The following CAMK1D variants were observed in gnomAD, a reference collection of about 807,000 sequenced individuals.
CAMK1D encodes calcium/calmodulin-dependent protein kinase type 1D.
A neutral mutation model predicts 47.7 loss-of-function variants in CAMK1D; 9 were observed. The observed-to-expected ratio is 0.19, with a 90% CI of 0.11 to 0.33. The LOEUF (loss-of-function observed/expected upper bound fraction) is 0.33, where lower values mean the gene tolerates loss of function less well. Ranked by LOEUF, CAMK1D falls within the 10% of genes least tolerant of loss-of-function variation. CAMK1D has a pLI of 1.00. For synonymous variants in CAMK1D, 184 were observed against 184.9 expected (o/e 0.99, Z 0.04); for missense variants, 291 against 488.7 (o/e 0.60, Z 3.81).
intron 2 of CAMK1D, among the ~76,000 whole-genome samples, chr10:12,635,137 G>C (rs1185426284): frequency 6.6e-6 from 1 of 152,106 alleles, no homozygotes; most frequent in Non-Finnish European, 1.5e-5. Context: ...GAGAGAGGTT[G>C]ATGTGGGGTG....
At chr10:12,610,610 G>A (rs1838590997) in intron 2 of CAMK1D, among the ~76,000 whole-genome samples, 1 of 152,222 alleles carries the variant, frequency 6.6e-6, no homozygotes, top group African/African-American at 2.4e-5. Context: ...CAAGGCAGAA[G>A]ATGTCCTCAC....
At chr10:12,385,666 T>C (rs1268176337) in intron 1 of CAMK1D, among the ~76,000 whole-genome samples, 1 of 151,710 alleles carries the variant, frequency 6.6e-6, no homozygotes, top group Non-Finnish European at 1.5e-5. Context: ...GGAGAAAAGA[T>C]GAAAATGTTC....
rs562547501 is a variant in CAMK1D, at chr10:12,746,560, G to A, written c.300-14388G>A. Among the ~76,000 whole-genome samples, 25 of 152,232 alleles carry A rather than the reference G, an allele frequency of 1.6e-4. No homozygotes were observed. In the South Asian group the frequency reaches 5.0e-3, roughly 30 times the overall value. On this transcript the variant is annotated intron_variant, in intron 3 of 10. Transcript: ENST00000619168. ...GTCTCTGAGCAAGCAGACAGCTCCT[G>A]GAACACCTTCTCTTTCTTGCTTCCC...
chr10:12,587,220 C>T (rs777094256), intron 2 of CAMK1D, among the ~76,000 whole-genome samples: 4 of 152,134 alleles, frequency 2.6e-5, no homozygotes, highest in East Asian at 1.9e-4. Flanking sequence ...GGTAAATAAC[C>T]GAAAATTAAT....
intron 3 of CAMK1D, 161 bp downstream of exon 3, chr10:12,666,971 G>T: frequency 1.6e-6 from 1 of 625,172 alleles, no homozygotes; most frequent in Non-Finnish European, 2.8e-6. Flanking sequence ...ACTAAAGACG[G>T]TGGGCTGCAC....
At chr10:12,535,705 A>AT (rs1181252945) in intron 1 of CAMK1D, among the ~76,000 whole-genome samples, 1 of 152,178 alleles carries the variant, frequency 6.6e-6, no homozygotes, top group African/African-American at 2.4e-5. Flanking sequence ...TTGGTGCTTG[A>AT]TTTTGGCTGG....
At chr10:12,763,428 T>G (rs549305849) in intron 4 of CAMK1D, among the ~76,000 whole-genome samples, 35 of 152,298 alleles carry the variant, frequency 2.3e-4, no homozygotes, top group African/African-American at 8.2e-4. Flanking sequence ...CTTGTTGCCC[T>G]GAGAAGCTAT....
chr10:12,706,998 CGGTT>C (rs1554814481), intron 3 of CAMK1D, among the ~76,000 whole-genome samples: 21 of 152,084 alleles, frequency 1.4e-4, no homozygotes, highest in Non-Finnish European at 3.1e-4. Context: ...ACAAACTGTG[CGGTT>C]TGGGAAGACA....
intron 3 of CAMK1D, among the ~76,000 whole-genome samples, chr10:12,674,599 C>CTTTTTTTTTTTTTTTTTTTTTT (rs11391139): frequency 3.2e-5 from 2 of 63,472 alleles, no homozygotes; most frequent in Non-Finnish European, 2.8e-5. Context: ...TGGAAAAATG[C>CTTTTTTTTTTTTTTTTTTTTTT]TTTTTTTTTT....
At chr10:12,782,674 G>C (rs576007935) in intron 5 of CAMK1D, among the ~76,000 whole-genome samples, 143 of 152,340 alleles carry the variant, frequency 9.4e-4, no homozygotes, top group Non-Finnish European at 1.5e-3. Flanking sequence ...CCTGGTGGAA[G>C]TTCCTCAAGG....
chr10:12,516,270 G>A (rs1835208521), intron 1 of CAMK1D, among the ~76,000 whole-genome samples: 2 of 152,102 alleles, frequency 1.3e-5, no homozygotes, highest in East Asian at 1.9e-4. Flanking sequence ...CACCACGCCT[G>A]GCTAATTTTT....
intron 2 of CAMK1D, among the ~76,000 whole-genome samples, chr10:12,626,786 T>G (rs1282705670): frequency 6.6e-6 from 1 of 152,028 alleles, no homozygotes; most frequent in African/African-American, 2.4e-5. Context: ...ATCATTAAAT[T>G]TCTTAAAAAT....
At chr10:12,546,926 G>C (rs1368373762) in intron 1 of CAMK1D, among the ~76,000 whole-genome samples, 8 of 151,858 alleles carry the variant, frequency 5.3e-5, no homozygotes, top group Admixed American at 4.6e-4. Context: ...ACCTGCACGT[G>C]GTGCACATGT....
chr10:12,560,019 C>T (rs760352361), intron 2 of CAMK1D, among the ~76,000 whole-genome samples: 1 of 152,142 alleles, frequency 6.6e-6, no homozygotes, highest in Non-Finnish European at 1.5e-5. Flanking sequence ...TTAAGGCAGA[C>T]ACCTTCCTCT....
Position 12,520,325 on chromosome 10 carries a change from C to T in CAMK1D, c.93-32900C>T, listed in dbSNP as rs567855926. On this transcript the variant is annotated intron_variant, in intron 1 of 10. Transcript: ENST00000619168. ...GGGGCAGAGGCGCTCCCCACTCAGA[C>T]GATGGGCGGGTCAGGCAGAGATGCT... Among the ~76,000 whole-genome samples the T allele has an allele frequency of 3.7e-4, 34 of 90,756 alleles. 8 individuals carry two copies. Among genetic ancestry groups the T allele is most frequent in the Non-Finnish European group, 3.5e-4 (15 of 42,568 alleles). 59.5% of individuals were successfully genotyped at this position (90,756 alleles called of 152,430 possible).
At chr10:12,383,562 G>A (rs945610820) in intron 1 of CAMK1D, among the ~76,000 whole-genome samples, 1 of 152,060 alleles carries the variant, frequency 6.6e-6, no homozygotes, top group African/African-American at 2.4e-5. Context: ...AGAATTACTC[G>A]AGCTTGTTAT....
At chr10:12,483,824 T>A (rs1339060749) in intron 1 of CAMK1D, among the ~76,000 whole-genome samples, 2 of 152,040 alleles carry the variant, frequency 1.3e-5, no homozygotes, top group African/African-American at 4.8e-5. Context: ...GTAGCTGAGA[T>A]TACAGGCGTG....
At chr10:12,739,984 ATTAC>A (rs1331951509) in intron 3 of CAMK1D, among the ~76,000 whole-genome samples, 1 of 152,218 alleles carries the variant, frequency 6.6e-6, no homozygotes, top group Non-Finnish European at 1.5e-5. Flanking sequence ...GGACGATGGT[ATTAC>A]TTATGCCAAA....
intron 1 of CAMK1D, among the ~76,000 whole-genome samples, chr10:12,386,472 CA>C (rs201680749): frequency 0.017 from 2,191 of 125,954 alleles, 28 homozygotes; most frequent in African/African-American, 0.049. Context: ...AACCCTGTCT[CA>C]AAAAAAAAAA....
Sources: gnomAD v4.1 joint callset for allele counts (sites outside exome capture counted in the v4.1 genomes callset) on GRCh38, gnomAD v4.1.1 for gene constraint, MANE v1.5 for transcripts, NCBI Gene and HGNC (gene_info 2026-07-23, HGNC 2026-07-21) for gene names.